The following PARD3B variants were observed in gnomAD, a reference collection of about 807,000 sequenced individuals.
PARD3B encodes the protein partitioning defective 3 homolog B.
PARD3B carries 103 observed loss-of-function variants against 130.2 expected under a neutral mutation model. The ratio of observed to expected loss-of-function variants is 0.79; its 90% CI spans 0.67 to 0.93. The LOEUF (loss-of-function observed/expected upper bound fraction) is 0.93, where lower values mean the gene tolerates loss of function less well. Ranked by LOEUF, PARD3B falls within the 40% of genes least tolerant of loss-of-function variation. The pLI is 0.00. For synonymous variants in PARD3B, 583 were observed against 553.2 expected (o/e 1.05, Z -0.76); for missense variants, 1,609 against 1,499.2 (o/e 1.07, Z -1.21).
Position 205,047,564 on chromosome 2 carries a change from C to T in PARD3B, c.395-17C>T, listed in dbSNP as rs1438691038. On this transcript the variant is annotated splice_polypyrimidine_tract_variant and intron_variant, in intron 3 of 22. Coordinates refer to ENST00000406610, the MANE Select transcript of PARD3B (RefSeq NM_001302769.2). ...CCAGGGTTCTTTTGACCTCTCACCT[C>T]TCACTTTGTCTTCCAGGCACTCCAC... is the stretch of plus-strand genomic sequence containing the variant. The T allele has an allele frequency of 6.5e-7, 1 of 1,527,342 alleles. No individual in the cohort carries two copies. The highest frequency in any genetic ancestry group is 1.2e-5 in the South Asian group (1 of 83,380). The allele number at this position is 1,527,342 out of a possible 1,614,324, so 94.6% of individuals were successfully genotyped here.
chr2:205,311,523 C>T (rs532906414), intron 18 of PARD3B, among the ~76,000 whole-genome samples: 1 of 152,288 alleles, frequency 6.6e-6, no homozygotes, highest in Admixed American at 6.5e-5. Flanking sequence ...CCACTTCAGA[C>T]AGCCAAGACC....
chr2:205,100,104 G>T (rs1357816282), intron 4 of PARD3B, among the ~76,000 whole-genome samples: 1 of 151,976 alleles, frequency 6.6e-6, no homozygotes, highest in African/African-American at 2.4e-5. Context: ...ATCTTTACTT[G>T]CTATCTAACT....
intron 14 of PARD3B, among the ~76,000 whole-genome samples, chr2:205,186,779 ATAT>A (rs1362186276): frequency 6.6e-6 from 1 of 152,186 alleles, no homozygotes; most frequent in African/African-American, 2.4e-5. Flanking sequence ...AATCATAATA[ATAT>A]TCTAGATCAA....
At chr2:205,375,754 A>T (rs1398710761) in intron 18 of PARD3B, among the ~76,000 whole-genome samples, 1 of 152,206 alleles carries the variant, frequency 6.6e-6, no homozygotes, top group African/African-American at 2.4e-5. Context: ...AGAAAAAGGT[A>T]AGTTATGCTT....
intron 4 of PARD3B, among the ~76,000 whole-genome samples, chr2:205,088,830 T>A (rs891629601): frequency 2.0e-5 from 3 of 151,994 alleles, no homozygotes; most frequent in Non-Finnish European, 2.9e-5. Context: ...AATCTTGCTT[T>A]GTCGTCAGGC....
intron 5 of PARD3B, among the ~76,000 whole-genome samples, 191 bp from the exon 6 acceptor site, chr2:205,113,300 A>G (rs1703774274): frequency 6.6e-6 from 1 of 152,126 alleles, no homozygotes. Flanking sequence ...ATAGACTTTT[A>G]AACATTTTGT....
intron 2 of PARD3B, among the ~76,000 whole-genome samples, chr2:204,776,210 T>C (rs1337978292): frequency 6.6e-6 from 1 of 152,212 alleles, no homozygotes; most frequent in Non-Finnish European, 1.5e-5. Context: ...ATTCTATAGA[T>C]AGCAATTACA....
intron 22 of PARD3B, among the ~76,000 whole-genome samples, chr2:205,609,097 C>T (rs986194566): frequency 2.0e-5 from 3 of 152,106 alleles, no homozygotes; most frequent in Non-Finnish European, 2.9e-5. Flanking sequence ...TTTATGATTC[C>T]GTAAAATCTG....
At chr2:204,555,823 C>A (rs2125048780) in intron 1 of PARD3B, among the ~76,000 whole-genome samples, 1 of 152,286 alleles carries the variant, frequency 6.6e-6, no homozygotes, top group East Asian at 1.9e-4. Flanking sequence ...CTATCTGCTT[C>A]TTTCATAGTT....
At chr2:205,553,598 G>A (rs2052744561) in intron 22 of PARD3B, among the ~76,000 whole-genome samples, 195 bp downstream of exon 22, 2 of 152,198 alleles carry the variant, frequency 1.3e-5, no homozygotes, top group Non-Finnish European at 2.9e-5. Flanking sequence ...TTTTTAAGGG[G>A]AGAAAATAGT....
At position 204,610,196 on chromosome 2, in the gene PARD3B, C is replaced by T. The variant is rs1350259887; in HGVS notation, c.120+64077C>T. ...AGTTTTTCAGGTTTCTCTGGAGTCCCCTTGGCCATGAGGGACATCCATTCA... is the reference window on the plus strand; with the variant it reads ...AGTTTTTCAGGTTTCTCTGGAGTCCTCTTGGCCATGAGGGACATCCATTCA... On this transcript the variant is annotated intron_variant, in intron 1 of 22. Coordinates refer to ENST00000406610, the MANE Select transcript of PARD3B (RefSeq NM_001302769.2). The surrounding 1 kb of genome is among the most constrained non-coding windows in gnomAD (Gnocchi z 4.1). 6.6e-6 allele frequency among the ~76,000 whole-genome samples: 1 copy of T among 152,102 alleles called. No homozygotes were observed. Among genetic ancestry groups the T allele is most frequent in the Non-Finnish European group, 1.5e-5 (1 of 68,016 alleles).
chr2:205,066,894 C>T (rs1351606218), intron 4 of PARD3B, among the ~76,000 whole-genome samples: 5 of 151,888 alleles, frequency 3.3e-5, no homozygotes, highest in Non-Finnish European at 5.9e-5. Flanking sequence ...TCCAAAAATA[C>T]CCTGGATGAG....
chr2:205,233,522 A>G (rs111857321), intron 15 of PARD3B, among the ~76,000 whole-genome samples: 5 of 152,242 alleles, frequency 3.3e-5, no homozygotes, highest in African/African-American at 7.2e-5. Flanking sequence ...ACAATGTAGA[A>G]TGGGGTTTTT....
At chr2:205,496,783 G>T (rs1348544418) in intron 20 of PARD3B, among the ~76,000 whole-genome samples, 4 of 150,700 alleles carry the variant, frequency 2.7e-5, no homozygotes, top group African/African-American at 7.3e-5. Context: ...AGAAAAGTGT[G>T]TTCTTAGAAA....
intron 21 of PARD3B, among the ~76,000 whole-genome samples, chr2:205,541,852 A>G (rs2052154004): frequency 6.6e-6 from 1 of 150,882 alleles, no homozygotes; most frequent in South Asian, 2.2e-4. Flanking sequence ...AAAAAAGCAC[A>G]TGTTTGGCTG....
At chr2:205,052,029 C>G (rs1699224899) in intron 4 of PARD3B, among the ~76,000 whole-genome samples, 1 of 151,984 alleles carries the variant, frequency 6.6e-6, no homozygotes, top group Admixed American at 6.6e-5. Flanking sequence ...TGGTGAGAGT[C>G]TGCTTGTGGG....
At chr2:204,645,264 A>C (rs188458823) in intron 1 of PARD3B, among the ~76,000 whole-genome samples, 186 of 152,306 alleles carry the variant, frequency 1.2e-3, no homozygotes, top group Admixed American at 3.4e-3. Context: ...CTGATATAAA[A>C]TATGCAAATC....
At chr2:204,657,662 C>T (rs1043735139) in intron 1 of PARD3B, among the ~76,000 whole-genome samples, 3 of 151,980 alleles carry the variant, frequency 2.0e-5, no homozygotes, top group Non-Finnish European at 4.4e-5. Flanking sequence ...TTCAGGTAAT[C>T]CTATAAAACA....
At position 205,229,188 on chromosome 2, in the gene PARD3B, C is replaced by T. The variant is rs193193467; in HGVS notation, c.2141-16590C>T. Among the ~76,000 whole-genome samples, 1 of 152,316 alleles carries T rather than the reference C, an allele frequency of 6.6e-6. No homozygotes were observed. The highest frequency in any genetic ancestry group is 2.4e-5 in the African/African-American group (1 of 41,572). Reference sequence around the variant, plus strand: ...TTGTGATTGTTTATCATTGTCTCAACATTGAAGAGTTAGGTATTTATTGTA... The same window carrying T: ...TTGTGATTGTTTATCATTGTCTCAATATTGAAGAGTTAGGTATTTATTGTA... On this transcript the variant is annotated intron_variant, in intron 15 of 22. Transcript: ENST00000406610. The surrounding 1 kb of genome is among the most constrained non-coding windows in gnomAD (Gnocchi z 5.2).
Sources: allele counts gnomAD v4.1 joint callset (sites outside exome capture counted in the v4.1 genomes callset), GRCh38; gene constraint gnomAD v4.1.1; non-coding constraint Gnocchi (gnomAD v3.1); transcripts MANE v1.5; gene names NCBI Gene and HGNC (gene_info 2026-07-23, HGNC 2026-07-21).